Variants in ARHGAP23 observed in about 807,000 individuals in gnomAD.
ARHGAP23 encodes the protein rho GTPase-activating protein 23.
Under a neutral mutation model 136.3 loss-of-function variants are expected in ARHGAP23, and 34 were observed. The observed-to-expected ratio is 0.25, with a 90% CI of 0.19 to 0.33. ARHGAP23 has a LOEUF of 0.33. Ranked by LOEUF, ARHGAP23 falls within the 10% of genes least tolerant of loss-of-function variation. The pLI is 1.00. For missense variants in ARHGAP23, 1,808 were observed against 2,139.0 expected (o/e 0.85, Z 3.05); for synonymous variants, 832 against 920.5 (o/e 0.90, Z 1.74).
intron 10 of ARHGAP23, among the ~76,000 whole-genome samples, chr17:38,470,454 C>T (rs576436182): frequency 6.6e-6 from 1 of 152,288 alleles, no homozygotes; most frequent in South Asian, 2.1e-4. Context: ...AAGGTGTGGC[C>T]GGGACACAGG....
Position 38,460,823 on chromosome 17 carries a change from G to A in ARHGAP23, c.226-82G>A, listed in dbSNP as rs2039442208. 3.3e-6 allele frequency: 5 copies of A among 1,535,630 alleles called. No individual in the cohort carries two copies. The South Asian group carries it at 3.6e-5, about 11-fold the overall frequency. ...GATAAGGGGTGGCGGGAACCTGAAG[G>A]GGCCCTGCCCACTGGAGCTGGGCCA... On this transcript the variant is annotated intron_variant, in intron 2 of 23. Coordinates refer to ENST00000622683, the MANE Select transcript of ARHGAP23 (RefSeq NM_001199417.2).
rs144363854 is a variant in ARHGAP23 at position 38,488,361 on chromosome 17, C to T, written c.2987-1741C>T. 5.2e-3 allele frequency among the ~76,000 whole-genome samples: 789 copies of T among 152,196 alleles called. 7 individuals are homozygous for T. The highest frequency in any genetic ancestry group is 0.018 in the African/African-American group (752 of 41,516). ...TGTTTCTATTTTCTCTGTAATTGCT[C>T]GATCAGACCATGTGCCCATTTTTCT... On this transcript the variant is annotated intron_variant, in intron 17 of 23. Coordinates refer to ENST00000622683, the MANE Select transcript of ARHGAP23 (RefSeq NM_001199417.2).
Position 38,510,953 on chromosome 17 carries a change from G to T in ARHGAP23, c.4457G>T (p.Arg1486Leu). Residue 1486 changes from arginine to leucine, a missense_variant, in exon 24 of 24, where the codon CGC becomes CTC. This residue lies in a region of ARHGAP23 where 506 missense variants were observed against 455.8 expected (regional missense o/e 1.11). Transcript: ENST00000622683. This position sits in a 1 kb window ranked among gnomAD's most constrained non-coding sequence, Gnocchi z 4.6. ...SQPPRRSAAS[R>L]LHQCL is the part of the protein sequence containing the mutation. Reference sequence around the variant, plus strand: ...CCCCCGCGCCGCTCGGCCGCCTCCCGCCTGCATCAGTGTCTGTGATCCCCA... The same window carrying T: ...CCCCCGCGCCGCTCGGCCGCCTCCCTCCTGCATCAGTGTCTGTGATCCCCA... 1 of 1,456,592 alleles carries T rather than the reference G, an allele frequency of 6.9e-7. No homozygotes were observed. Among genetic ancestry groups the T allele is most frequent in the Non-Finnish European group, 9.0e-7 (1 of 1,116,518 alleles). 90.2% of individuals were successfully genotyped at this position (1,456,592 alleles called of 1,614,324 possible). A position where few individuals can be genotyped will look rare whatever the true frequency, so the allele number is the denominator to read the frequency against.
chr17:38,457,062 A>T (rs1005023113), intron 1 of ARHGAP23, among the ~76,000 whole-genome samples: 43 of 152,308 alleles, frequency 2.8e-4, no homozygotes, highest in African/African-American at 1.0e-3. Flanking sequence ...GGCGCCAGCC[A>T]CCATGCCCGG....
At chr17:38,460,826 C>T (rs895955264) in intron 2 of ARHGAP23, 79 bp from the exon 3 acceptor site, 1 of 1,535,682 alleles carries the variant, frequency 6.5e-7, no homozygotes, top group African/African-American at 1.4e-5. Flanking sequence ...CCTGAAGGGG[C>T]CCTGCCCACT....
At chr17:38,484,972 C>G (rs1043185478) in intron 16 of ARHGAP23, among the ~76,000 whole-genome samples, 1 of 152,148 alleles carries the variant, frequency 6.6e-6, no homozygotes, top group African/African-American at 2.4e-5. Context: ...TATTAGGTCG[C>G]TTTCTGGGCC....
chr17:38,427,993 C>T (rs1213150434), upstream of ARHGAP23, among the ~76,000 whole-genome samples: 1 of 152,152 alleles, frequency 6.6e-6, no homozygotes, highest in African/African-American at 2.4e-5. Context: ...CCTCTCTCTG[C>T]GCTGTCTCTA....
rs576154194 is a variant in ARHGAP23, at chr17:38,443,619, CA to C, written c.64-14482del. Among the ~76,000 whole-genome samples, 303 of 146,326 alleles carry C rather than the reference CA, an allele frequency of 2.1e-3. 1 individual carries two copies. The highest frequency in any genetic ancestry group is 7.2e-3 in the African/African-American group (286 of 39,648). On this transcript the variant is annotated intron_variant, in intron 1 of 23. Coordinates refer to ENST00000622683, the MANE Select transcript of ARHGAP23 (RefSeq NM_001199417.2). The stretch of plus-strand genomic sequence containing the variant: ...TCACAGACTGGATTAGGGAGTGGTT[CA>C]GTTCATAGGCAGGGCCACATGTGTG...
chr17:38,501,426 C>T lies in ARHGAP23; in HGVS notation c.3447+798C>T, dbSNP rs563063881. The stretch of plus-strand genomic sequence containing the variant: ...ACACCATTCTCCTGCCTCAGCCTCC[C>T]GAGTAGCTGGGACTACAGGCGCCCA... On this transcript the variant is annotated intron_variant, in intron 23 of 23. Transcript: ENST00000622683. Among the ~76,000 whole-genome samples the T allele has an allele frequency of 2.6e-5, 4 of 152,206 alleles. No individual in the cohort carries two copies. In the South Asian group the frequency reaches 6.2e-4, roughly 24 times the overall value.
At chr17:38,450,029 G>A (rs760453838) in intron 1 of ARHGAP23, among the ~76,000 whole-genome samples, 1 of 152,212 alleles carries the variant, frequency 6.6e-6, no homozygotes, top group Non-Finnish European at 1.5e-5. Context: ...TCTCCTGTGA[G>A]GGATAGCCTG....
chr17:38,457,990 G>A (rs2039367974), intron 1 of ARHGAP23, 112 bp from the exon 2 acceptor site: 4 of 1,350,818 alleles, frequency 3.0e-6, no homozygotes, highest in African/African-American at 2.9e-5. Context: ...CAACCCTAGG[G>A]CGAAAGACCC....
chr17:38,434,276 GA>G (rs1332404030), intron 1 of ARHGAP23, among the ~76,000 whole-genome samples: 1 of 152,246 alleles, frequency 6.6e-6, no homozygotes, highest in Non-Finnish European at 1.5e-5. Context: ...GGCCCGTAAG[GA>G]GCGGAACTGG....
chr17:38,448,699 G>T (rs545059734), intron 1 of ARHGAP23, among the ~76,000 whole-genome samples: 1 of 145,230 alleles, frequency 6.9e-6, no homozygotes, highest in African/African-American at 2.6e-5. Context: ...AGGCTGGAGT[G>T]CAGTGGCGCG....
At chr17:38,459,875 C>T (rs1473581216) in intron 2 of ARHGAP23, among the ~76,000 whole-genome samples, 1 of 152,212 alleles carries the variant, frequency 6.6e-6, no homozygotes, top group African/African-American at 2.4e-5. Flanking sequence ...AGGACGGGGG[C>T]AGAGTGCTTG....
intron 18 of ARHGAP23, 93 bp downstream of exon 18, chr17:38,490,268 C>A: frequency 7.5e-7 from 1 of 1,341,656 alleles, no homozygotes; most frequent in Non-Finnish European, 1.0e-6. Context: ...TGCCCACGAC[C>A]CCTGTGGCCT....
At chr17:38,437,776 G>A (rs528705838) in intron 1 of ARHGAP23, among the ~76,000 whole-genome samples, 3 of 122,204 alleles carry the variant, frequency 2.5e-5, no homozygotes, top group African/African-American at 1.1e-4. Flanking sequence ...TGAAATCCAA[G>A]CAAAGGTTGG....
At chr17:38,438,270 A>G (rs1400960513) in intron 1 of ARHGAP23, among the ~76,000 whole-genome samples, 2 of 150,818 alleles carry the variant, frequency 1.3e-5, no homozygotes, top group East Asian at 2.0e-4. Context: ...GCAGCGAGCC[A>G]AGATCATGCC....
upstream of ARHGAP23, among the ~76,000 whole-genome samples, chr17:38,425,996 C>T (rs1001418749): frequency 6.6e-6 from 1 of 152,008 alleles, no homozygotes; most frequent in Non-Finnish European, 1.5e-5. Context: ...CTCTCACCCC[C>T]TCCTGCGGGG....
chr17:38,469,667 G>T (rs746284200), intron 9 of ARHGAP23, 32 bp downstream of exon 9: 2 of 1,543,446 alleles, frequency 1.3e-6, no homozygotes, highest in Non-Finnish European at 1.7e-6. Flanking sequence ...GGGTGGGGTG[G>T]CCACAGCCAC....
Sources: allele counts gnomAD v4.1 joint callset (sites outside exome capture counted in the v4.1 genomes callset), GRCh38; gene constraint gnomAD v4.1.1; regional missense constraint gnomAD v4.1.1; non-coding constraint Gnocchi (gnomAD v3.1); transcripts MANE v1.5; gene names NCBI Gene and HGNC (gene_info 2026-07-23, HGNC 2026-07-21).